The following SLC25A46 variants were observed in gnomAD, a reference collection of about 807,000 sequenced individuals.
SLC25A46 encodes solute carrier family 25 member 46.
A neutral mutation model predicts 44.6 loss-of-function variants in SLC25A46; 39 were observed. The ratio of observed to expected loss-of-function variants is 0.87; its 90% CI spans 0.68 to 1.14. The LOEUF (loss-of-function observed/expected upper bound fraction) is 1.14. Among genes scored for constraint, SLC25A46 ranks in the 50% most tolerant of loss-of-function variants. The probability of loss-of-function intolerance (pLI) is 0.00; values close to 1 mark genes in which losing one functional copy is unlikely to be tolerated. For synonymous variants in SLC25A46, 202 were observed against 185.8 expected (o/e 1.09, Z -0.71); for missense variants, 547 against 522.7 (o/e 1.05, Z -0.45).
At chr5:110,760,594 T>C (rs559295750) in intron 7 of SLC25A46, among the ~76,000 whole-genome samples, 1 of 152,284 alleles carries the variant, frequency 6.6e-6, no homozygotes. Context: ...CTTTTCTATC[T>C]ATCTATACCT....
rs1278326355 is a variant in SLC25A46 at position 110,765,039 on chromosome 5, C to A, written c.*3257C>A. ...ATTTGACAATGAAATTTACATATTG[C>A]CTCACCTAGAGATGTTTTGTCTGTA... On this transcript the variant is annotated 3_prime_UTR_variant, in exon 8 of 8. Transcript: ENST00000355943. 1 of 151,370 alleles carries A rather than the reference C, an allele frequency of 6.6e-6. No individual in the cohort carries two copies. Among genetic ancestry groups the A allele is most frequent in the Non-Finnish European group, 1.5e-5 (1 of 67,808 alleles). The allele number at this position is 151,370 out of a possible 1,614,324, so 9.4% of individuals were successfully genotyped here.
intron 3 of SLC25A46, 122 bp from the exon 4 acceptor site, chr5:110,746,147 A>G: frequency 1.3e-6 from 1 of 779,322 alleles, no homozygotes; most frequent in South Asian, 1.7e-5. Flanking sequence ...CTTATGTGTA[A>G]TTTATGTTGA....
rs1800280989 is a variant in SLC25A46, at chr5:110,762,449, A to C, written c.*667A>C. On this transcript the variant is annotated 3_prime_UTR_variant, in exon 8 of 8. Coordinates refer to ENST00000355943, the MANE Select transcript of SLC25A46 (RefSeq NM_138773.4). ...TACACTTACATCACCTTATTGCATAAAACAAAGTCACGCGCTTTCTGCTTG... is the reference window on the plus strand; with the variant it reads ...TACACTTACATCACCTTATTGCATACAACAAAGTCACGCGCTTTCTGCTTG... The C allele has an allele frequency of 6.6e-6, 1 of 151,800 alleles. No individual in the cohort carries two copies. The highest frequency in any genetic ancestry group is 6.6e-5 in the Admixed American group (1 of 15,164). The allele number at this position is 151,800 out of a possible 1,614,324, so 9.4% of individuals were successfully genotyped here.
intron 5 of SLC25A46, chr5:110,753,548 T>C (rs2150414294): frequency 6.6e-6 from 1 of 152,132 alleles, no homozygotes; most frequent in African/African-American, 2.4e-5. Flanking sequence ...TTTAGATATA[T>C]TTACATGTTT....
intron 1 of SLC25A46, 85 bp from the exon 2 acceptor site, chr5:110,741,961 TA>T: frequency 1.1e-6 from 1 of 928,768 alleles, no homozygotes; most frequent in Non-Finnish European, 1.6e-6. Flanking sequence ...ATAAATTTTT[TA>T]AAATTGTTTT....
upstream of SLC25A46, among the ~76,000 whole-genome samples, chr5:110,738,496 CT>C (rs2150401471): frequency 6.6e-6 from 1 of 152,264 alleles, no homozygotes; most frequent in East Asian, 1.9e-4. Context: ...AATGCTTGCT[CT>C]GGTGGTCCAC....
chr5:110,746,469 A>T, intron 4 of SLC25A46, 123 bp downstream of exon 4: 1 of 619,392 alleles, frequency 1.6e-6, no homozygotes, highest in South Asian at 2.3e-5. Context: ...TTGTAGTAAA[A>T]CTAAAGTAGC....
At chr5:110,752,676 G>A (rs1405242701) in intron 5 of SLC25A46, among the ~76,000 whole-genome samples, 1 of 152,164 alleles carries the variant, frequency 6.6e-6, no homozygotes, top group Non-Finnish European at 1.5e-5. Context: ...TTCCTGAGTA[G>A]GGAACACTGA....
At position 110,746,339 on chromosome 5, in the gene SLC25A46, AAACTCAGGTGAG is replaced by A. The variant is rs1799819251; in HGVS notation, c.458_462+7del. ...ATCAATATTATGTACAGTTTCAACA[AAACTCAGGTGAG>A]AATTTTGTCTGGATTCTATTAAAGG... On this transcript the variant is annotated splice_donor_variant and splice_donor_5th_base_variant and coding_sequence_variant and intron_variant, in exon 4 of 8. Coordinates refer to ENST00000355943, the MANE Select transcript of SLC25A46 (RefSeq NM_138773.4). LOFTEE classifies it high-confidence loss of function. The A allele has an allele frequency of 6.3e-7, 1 of 1,583,714 alleles. No individual in the cohort carries two copies. The highest frequency in any genetic ancestry group is 1.9e-5 in the Admixed American group (1 of 53,020).
intron 1 of SLC25A46, chr5:110,741,629 C>G (rs1374331368): frequency 6.5e-6 from 1 of 152,886 alleles, no homozygotes; most frequent in Non-Finnish European, 1.5e-5. Flanking sequence ...ACTGGTAGCC[C>G]TTAGGTTCTG....
chr5:110,740,813 G>A (rs1046846859), intron 1 of SLC25A46, among the ~76,000 whole-genome samples: 10 of 152,158 alleles, frequency 6.6e-5, no homozygotes, highest in Admixed American at 6.5e-4. Context: ...TTAGCCGGGC[G>A]TGGTGGCGGA....
Position 110,761,869 on chromosome 5 carries a change from G to T in SLC25A46, c.*87G>T, listed in dbSNP as rs1800261987. 5.5e-6 allele frequency: 6 copies of T among 1,097,172 alleles called. No homozygotes were observed. The highest frequency in any genetic ancestry group is 3.2e-5 in the African/African-American group (2 of 62,796). 68.0% of individuals were successfully genotyped at this position (1,097,172 alleles called of 1,614,324 possible). ...ATGAGGGATACAAGTGAAATACTGG[G>T]GAAGAAAATGGATTGGAAAGTAAAA... On this transcript the variant is annotated 3_prime_UTR_variant, in exon 8 of 8. Coordinates refer to ENST00000355943, the MANE Select transcript of SLC25A46 (RefSeq NM_138773.4). The surrounding 1 kb of genome is among the most constrained non-coding windows in gnomAD (Gnocchi z 5.3).
At chr5:110,738,952 G>T (rs1006234534), upstream of SLC25A46, 1 of 1,440,106 alleles carries the variant, frequency 6.9e-7, no homozygotes, top group Admixed American at 2.9e-5. Context: ...GCCGGAAGAG[G>T]CTATAATCAC....
At chr5:110,750,174 A>T (rs1799927839) in intron 5 of SLC25A46, among the ~76,000 whole-genome samples, 1 of 151,528 alleles carries the variant, frequency 6.6e-6, no homozygotes, top group Non-Finnish European at 1.5e-5. Context: ...GAAGTGCCTT[A>T]AATAAACTTT....
At chr5:110,749,035 G>A (rs546125023) in intron 5 of SLC25A46, among the ~76,000 whole-genome samples, 1 of 152,138 alleles carries the variant, frequency 6.6e-6, no homozygotes, top group African/African-American at 2.4e-5. Flanking sequence ...GGCTGAGAAG[G>A]TTCTGAACTG....
chr5:110,740,809 G>A (rs570434134), intron 1 of SLC25A46, among the ~76,000 whole-genome samples: 27 of 152,210 alleles, frequency 1.8e-4, no homozygotes, highest in Middle Eastern at 3.4e-3. Flanking sequence ...AAAATTAGCC[G>A]GGCGTGGTGG....
chr5:110,739,004 G>C (rs1799512045), upstream of SLC25A46: 2 of 1,469,726 alleles, frequency 1.4e-6, no homozygotes, highest in South Asian at 2.7e-5. Flanking sequence ...ACTTCCGGTT[G>C]TCAGAATTTA....
At position 110,755,434 on chromosome 5, in the gene SLC25A46, T is replaced by C. The variant is rs1222932952; in HGVS notation, c.564-31T>C. The C allele has an allele frequency of 5.1e-6, 7 of 1,373,370 alleles. No homozygotes were observed. The East Asian group carries it at 7.0e-5, about 14-fold the overall frequency. 85.1% of individuals were successfully genotyped at this position (1,373,370 alleles called of 1,614,324 possible). ...CAGATGTTTTAAATAACATGGCTTT[T>C]GTTTTATTTAAGTTTATTTTTATGT... On this transcript the variant is annotated intron_variant, in intron 5 of 7. Coordinates refer to ENST00000355943, the MANE Select transcript of SLC25A46 (RefSeq NM_138773.4).
Position 110,764,642 on chromosome 5 carries a change from A to G in SLC25A46, c.*2860A>G, listed in dbSNP as rs1163321033. Reference sequence around the variant, plus strand: ...TGAGTACAAATGCTTTAGTGTTTCTACCTAAGTATTAGTACATCTGTTCAG... The same window carrying G: ...TGAGTACAAATGCTTTAGTGTTTCTGCCTAAGTATTAGTACATCTGTTCAG... On this transcript the variant is annotated 3_prime_UTR_variant, in exon 8 of 8. Transcript: ENST00000355943. 1 of 151,794 alleles carries G rather than the reference A, an allele frequency of 6.6e-6. No homozygotes were observed. Among genetic ancestry groups the G allele is most frequent in the African/African-American group, 2.4e-5 (1 of 41,362 alleles). 9.4% of individuals were successfully genotyped at this position (151,794 alleles called of 1,614,324 possible).
Sources: gnomAD v4.1 joint callset for allele counts (sites outside exome capture counted in the v4.1 genomes callset) on GRCh38, gnomAD v4.1.1 for gene constraint, Gnocchi (gnomAD v3.1) non-coding constraint, MANE v1.5 for transcripts, NCBI Gene and HGNC (gene_info 2026-07-23, HGNC 2026-07-21) for gene names.